Variants in NCKAP1L observed in about 807,000 individuals in gnomAD.
NCKAP1L encodes the protein nck-associated protein 1-like.
A neutral mutation model predicts 139.2 loss-of-function variants in NCKAP1L; 53 were observed. The observed-to-expected ratio is 0.38, with a 90% CI of 0.31 to 0.48. The LOEUF (loss-of-function observed/expected upper bound fraction) is 0.48, where lower values mean the gene tolerates loss of function less well. Ranked by LOEUF, NCKAP1L falls within the 20% of genes least tolerant of loss-of-function variation. The probability of loss-of-function intolerance (pLI) is 0.98; values close to 1 mark genes in which losing one functional copy is unlikely to be tolerated. For missense variants in NCKAP1L, 1,151 were observed against 1,381.9 expected (o/e 0.83, Z 2.65); for synonymous variants, 468 against 499.7 (o/e 0.94, Z 0.85).
At position 54,519,172 on chromosome 12, in the gene NCKAP1L, C is replaced by T; in HGVS notation, c.1480-15C>T. ...CATCTTATTTTTCTCCACACTTTCC[C>T]AACTCCAACCGCAGGCATACACTAG... On this transcript the variant is annotated splice_polypyrimidine_tract_variant and intron_variant, in intron 15 of 30. Transcript: ENST00000293373. The T allele has an allele frequency of 6.4e-7, 1 of 1,554,482 alleles. No homozygotes were observed.
intron 22 of NCKAP1L, among the ~76,000 whole-genome samples, chr12:54,530,334 A>G (rs1472804634): frequency 6.6e-6 from 1 of 152,208 alleles, no homozygotes; most frequent in Non-Finnish European, 1.5e-5. Flanking sequence ...ATTTGTCACT[A>G]GTGTTTCTGA....
intron 20 of NCKAP1L, among the ~76,000 whole-genome samples, chr12:54,526,096 G>A (rs1957023619): frequency 6.6e-6 from 1 of 152,218 alleles, no homozygotes; most frequent in Non-Finnish European, 1.5e-5. Context: ...ATTTCTGGCA[G>A]TGATCGGAAC....
In NCKAP1L at chr12:54,511,807, C is replaced by A. The variant is rs746194653; in HGVS notation, c.740C>A (p.Ala247Asp). The change falls in exon 8 of 31, where the codon GCC becomes GAC. Residue 247 changes from alanine to aspartate, a missense_variant. By Grantham distance (126) the Ala-to-Asp change is moderately radical (BLOSUM62 -2). Coordinates refer to ENST00000293373, the MANE Select transcript of NCKAP1L (RefSeq NM_005337.5). ...TCTTTGCTTCTCTTCTCACAGATGG[C>A]CTGTGAGTATCTGTCTGTGGAAGTA... is the stretch of plus-strand genomic sequence containing the variant. ...MINPANSDTM[A>D]CEYLSVEVME... 6.2e-7 allele frequency: 1 copy of A among 1,614,024 alleles called. No individual in the cohort carries two copies. Among genetic ancestry groups the A allele is most frequent in the Admixed American group, 1.7e-5 (1 of 60,006 alleles).
At chr12:54,509,785 C>A (rs1956872869) in intron 6 of NCKAP1L, 26 bp downstream of exon 6, 1 of 1,614,128 alleles carries the variant, frequency 6.2e-7, no homozygotes, top group Non-Finnish European at 8.5e-7. Context: ...ATGGAGAATT[C>A]CTCAGGCAAA....
chr12:54,509,568 G>T, intron 5 of NCKAP1L, 101 bp from the exon 6 acceptor site: 1 of 779,180 alleles, frequency 1.3e-6, no homozygotes, highest in Non-Finnish European at 2.2e-6. Context: ...AGGTGGTGGG[G>T]AGTGCCAGCC....
intron 20 of NCKAP1L, 59 bp from the exon 21 acceptor site, chr12:54,526,469 T>C: frequency 7.4e-7 from 1 of 1,345,470 alleles, no homozygotes; most frequent in Admixed American, 1.7e-5. Flanking sequence ...CACTCAACAA[T>C]TGTTACTGTA....
chr12:54,498,877 A>AT (rs1175685402), intron 1 of NCKAP1L: 4 of 859,756 alleles, frequency 4.7e-6, no homozygotes, highest in African/African-American at 3.7e-5. Context: ...ATGTCTTGGA[A>AT]TTTTTTCTTG....
At chr12:54,530,685 C>T (rs963895421) in intron 22 of NCKAP1L, among the ~76,000 whole-genome samples, 109 of 152,212 alleles carry the variant, frequency 7.2e-4, no homozygotes, top group African/African-American at 2.3e-3. Context: ...TAAGTGGCTC[C>T]GGACAAGCAC....
chr12:54,528,799 A>T (rs987759964), intron 22 of NCKAP1L, among the ~76,000 whole-genome samples: 11 of 77,128 alleles, frequency 1.4e-4, no homozygotes, highest in South Asian at 6.2e-4. Flanking sequence ...CTAATTTTTT[A>T]TATATATATA....
rs544519805 is a variant in NCKAP1L, at chr12:54,544,188, G to A, written c.*1503G>A. 6.6e-6 allele frequency: 1 copy of A among 152,290 alleles called. No homozygotes were observed. The highest frequency in any genetic ancestry group is 6.5e-5 in the Admixed American group (1 of 15,302). The allele number at this position is 152,290 out of a possible 1,614,324, so 9.4% of individuals were successfully genotyped here. ...AAATCCTCCTTCCTTGCTATGGGAA[G>A]GGCTTATGTTCTAAAGGGTGATTCA... On this transcript the variant is annotated 3_prime_UTR_variant, in exon 31 of 31. Coordinates refer to ENST00000293373, the MANE Select transcript of NCKAP1L (RefSeq NM_005337.5).
chr12:54,539,209 C>A (rs1228338883), intron 30 of NCKAP1L, among the ~76,000 whole-genome samples: 3 of 152,260 alleles, frequency 2.0e-5, no homozygotes, highest in African/African-American at 7.2e-5. Context: ...TTCCTGGCCC[C>A]TAAGCTGGCT....
At chr12:54,541,920 C>G (rs896087592) in intron 30 of NCKAP1L, among the ~76,000 whole-genome samples, 1 of 152,102 alleles carries the variant, frequency 6.6e-6, no homozygotes, top group Non-Finnish European at 1.5e-5. Flanking sequence ...CATGAACATG[C>G]CCTGTCCACC....
chr12:54,500,752 A>T, intron 3 of NCKAP1L, 127 bp downstream of exon 3: 1 of 671,742 alleles, frequency 1.5e-6, no homozygotes, highest in Admixed American at 2.5e-5. Context: ...ATATGGAAGG[A>T]TATCTAAGTT....
chr12:54,514,437 T>A (rs569665901), intron 9 of NCKAP1L, among the ~76,000 whole-genome samples: 1 of 152,252 alleles, frequency 6.6e-6, no homozygotes, highest in East Asian at 1.9e-4. Context: ...TTCTCCTGTT[T>A]CAGCCTCCCA....
At chr12:54,538,846 C>G in intron 29 of NCKAP1L, 38 bp from the exon 30 acceptor site, 1 of 1,515,616 alleles carries the variant, frequency 6.6e-7, no homozygotes, top group Non-Finnish European at 9.2e-7. Flanking sequence ...TGATACTGAC[C>G]TGTATAAAAA....
At chr12:54,497,964 G>A (rs1019407402) in intron 1 of NCKAP1L, 73 bp downstream of exon 1, 9 of 912,254 alleles carry the variant, frequency 9.9e-6, no homozygotes, top group Non-Finnish European at 1.4e-5. Flanking sequence ...GGCGGCAGGT[G>A]CAGCAGTTAG....
chr12:54,498,629 G>C (rs1565670194), intron 1 of NCKAP1L, among the ~76,000 whole-genome samples: 1 of 152,090 alleles, frequency 6.6e-6, no homozygotes, highest in Non-Finnish European at 1.5e-5. Context: ...CGGTTTCTCT[G>C]TCACCATGAA....
At chr12:54,504,627 A>G (rs1956826695) in intron 3 of NCKAP1L, among the ~76,000 whole-genome samples, 1 of 152,236 alleles carries the variant, frequency 6.6e-6, no homozygotes, top group Non-Finnish European at 1.5e-5. Context: ...ACATTGAAGT[A>G]TGATGCACTG....
chr12:54,524,122 G>T (rs886950985), intron 20 of NCKAP1L, among the ~76,000 whole-genome samples, 166 bp downstream of exon 20: 1 of 152,134 alleles, frequency 6.6e-6, no homozygotes, highest in Non-Finnish European at 1.5e-5. Flanking sequence ...TAGGTCCCAA[G>T]CATCTCTATT....
Sources: gnomAD v4.1 joint callset for allele counts (sites outside exome capture counted in the v4.1 genomes callset) on GRCh38, gnomAD v4.1.1 for gene constraint, MANE v1.5 for transcripts, NCBI Gene and HGNC (gene_info 2026-07-23, HGNC 2026-07-21) for gene names.